The following CCNA1 variants were observed in gnomAD, a reference collection of about 807,000 sequenced individuals.
The protein encoded by CCNA1 is cyclin-A1.
In CCNA1, 23 loss-of-function variants were observed where a neutral mutation model predicts 54.1. The ratio of observed to expected loss-of-function variants is 0.42; its 90% CI spans 0.31 to 0.60. The LOEUF is 0.60. Ranked by LOEUF, CCNA1 falls within the 20% of genes least tolerant of loss-of-function variation. The pLI is 0.14. For missense variants in CCNA1, 450 were observed against 556.7 expected (o/e 0.81, Z 1.93); for synonymous variants, 208 against 213.9 (o/e 0.97, Z 0.24).
Position 36,433,040 on chromosome 13 carries a change from C to T in CCNA1, c.116C>T (p.Pro39Leu). 6.2e-7 allele frequency: 1 copy of T among 1,612,516 alleles called. No homozygotes were observed. The highest frequency in any genetic ancestry group is 8.5e-7 in the Non-Finnish European group (1 of 1,179,254). ...TTTCTCTTTCCCTGGTAGCAGCAGC[C>T]CGTGGAGTCTGAAGCAATGCACTGC... is the stretch of plus-strand genomic sequence containing the variant. The change falls in exon 2 of 9, where the codon CCC becomes CTC. Residue 39 changes from proline (P) to leucine (L), a missense_variant. This residue lies in a region of CCNA1 where 103 missense variants were observed against 100.9 expected (regional missense o/e 1.02). Transcript: ENST00000255465.
chr13:36,433,442 CGTT>C (rs2055757095), intron 2 of CCNA1, among the ~76,000 whole-genome samples: 1 of 73,080 alleles, frequency 1.4e-5, no homozygotes, highest in South Asian at 4.5e-4. Flanking sequence ...TTCTTTCTTT[CGTT>C]CTTTCTTTCT....
intron 7 of CCNA1, among the ~76,000 whole-genome samples, chr13:36,441,792 TTTTC>T (rs1217046946): frequency 6.6e-6 from 1 of 152,184 alleles, no homozygotes; most frequent in Non-Finnish European, 1.5e-5. Context: ...TTTTTAAAAA[TTTTC>T]TTTTACTTTT....
At chr13:36,434,751 A>T (rs2055779242) in intron 2 of CCNA1, among the ~76,000 whole-genome samples, 1 of 150,812 alleles carries the variant, frequency 6.6e-6, no homozygotes, top group African/African-American at 2.4e-5. Context: ...GAATCTCCAC[A>T]TGTCCCTGTG....
rs140874310 is a variant in CCNA1, at chr13:36,436,100, T to C, written c.298-1529T>C. Among the ~76,000 whole-genome samples the C allele has an allele frequency of 2.3e-4, 35 of 152,334 alleles. No individual in the cohort carries two copies. In the East Asian group the frequency reaches 6.2e-3, roughly 27 times the overall value. ...CACTTAGAATTTTCAAGTTTTGTAA[T>C]TGATTGGCTTACTTACTCTCCACCT... On this transcript the variant is annotated intron_variant, in intron 2 of 8. Transcript: ENST00000255465.
At chr13:36,439,927 G>A in intron 5 of CCNA1, 52 bp from the exon 6 acceptor site, 1 of 1,246,658 alleles carries the variant, frequency 8.0e-7, no homozygotes, top group South Asian at 1.2e-5. Context: ...GGTAGCACAG[G>A]AGTAGAGCCA....
intron 4 of CCNA1, 86 bp from the exon 5 acceptor site, chr13:36,438,558 T>A: frequency 1.1e-6 from 1 of 914,572 alleles, no homozygotes; most frequent in Admixed American, 2.2e-5. Context: ...CAACCTTTGC[T>A]TGTGAGATTT....
At chr13:36,432,182 T>G, upstream of CCNA1, 1 of 160,542 alleles carries the variant, frequency 6.2e-6, no homozygotes, top group Non-Finnish European at 1.3e-5. Flanking sequence ...CAGGTCGCCA[T>G]GGCGATGCGG....
At chr13:36,434,847 G>A (rs184443597) in intron 2 of CCNA1, among the ~76,000 whole-genome samples, 30 of 145,780 alleles carry the variant, frequency 2.1e-4, no homozygotes, top group Admixed American at 1.4e-3. Flanking sequence ...CGCGCCATGC[G>A]TACAATATAC....
chr13:36,432,960 G>A (rs955447915), intron 1 of CCNA1, 73 bp from the exon 2 acceptor site: 4 of 1,406,808 alleles, frequency 2.8e-6, no homozygotes, highest in Non-Finnish European at 3.9e-6. Context: ...CCTCCTAGAG[G>A]TTCGCTGTGT....
intron 2 of CCNA1, among the ~76,000 whole-genome samples, chr13:36,435,070 G>A (rs12868587): frequency 0.21 from 32,018 of 152,086 alleles, 3,753 homozygotes; most frequent in Non-Finnish European, 0.26. Context: ...CACCTTGACC[G>A]GTCCCTTTTT....
chr13:36,438,564 G>A, intron 4 of CCNA1, 80 bp from the exon 5 acceptor site: 1 of 988,534 alleles, frequency 1.0e-6, no homozygotes, highest in African/African-American at 1.6e-5. Context: ...TTGCTTGTGA[G>A]ATTTTTAAAT....
intron 2 of CCNA1, among the ~76,000 whole-genome samples, chr13:36,433,830 G>A (rs1156397008): frequency 2.0e-5 from 3 of 152,160 alleles, no homozygotes; most frequent in Non-Finnish European, 4.4e-5. Context: ...CGTCAGCCAC[G>A]GTGGCAGGCC....
At position 36,438,730 on chromosome 13, in the gene CCNA1, G is replaced by A. The variant is rs2055839199; in HGVS notation, c.756G>A (p.Val252=). 6.2e-7 allele frequency: 1 copy of A among 1,614,012 alleles called. No homozygotes were observed. The highest frequency in any genetic ancestry group is 1.7e-5 in the Admixed American group (1 of 59,986). ...GCACGATTCTGGTGGACTGGCTGGT[G>A]GAGGTTGGGGAAGAATATAAACTTC... The change falls in exon 5 of 9, where the codon GTG becomes GTA. Residue 252 remains valine, a synonymous_variant. Transcript: ENST00000255465.
At chr13:36,433,411 T>TTCGTTCGTTCGTTCGTTCGTTCG (rs1566169517) in intron 2 of CCNA1, among the ~76,000 whole-genome samples, 190 bp downstream of exon 2, 1 of 115,984 alleles carries the variant, frequency 8.6e-6, no homozygotes, top group African/African-American at 3.6e-5. Flanking sequence ...TCTTTCTTTC[T>TTCGTTCGTTCGTTCGTTCGTTCG]TTCTTTCTTT....
At chr13:36,438,511 A>G (rs2055835723) in intron 4 of CCNA1, 133 bp from the exon 5 acceptor site, 1 of 692,162 alleles carries the variant, frequency 1.4e-6, no homozygotes, top group East Asian at 2.7e-5. Context: ...CTTCCTTGTT[A>G]TGATAAAGAT....
chr13:36,433,015 T>C lies in CCNA1; in HGVS notation c.109-18T>C. 6.2e-7 allele frequency: 1 copy of C among 1,605,922 alleles called. No individual in the cohort carries two copies. The highest frequency in any genetic ancestry group is 8.5e-7 in the Non-Finnish European group (1 of 1,175,848). ...CGGAATCGACTAAACAGCTTGTCTG[T>C]TTCTCTTTCCCTGGTAGCAGCAGCC... On this transcript the variant is annotated intron_variant, in intron 1 of 8. Coordinates refer to ENST00000255465, the MANE Select transcript of CCNA1 (RefSeq NM_003914.4).
intron 2 of CCNA1, among the ~76,000 whole-genome samples, 184 bp downstream of exon 2, chr13:36,433,405 T>A (rs2055748555): frequency 8.7e-6 from 1 of 115,074 alleles, no homozygotes; most frequent in African/African-American, 3.2e-5. Flanking sequence ...TTTCTTTCTT[T>A]CTTTCTTTCT....
chr13:36,442,820 G>A lies in CCNA1; in HGVS notation c.*155G>A, dbSNP rs2055892044. ...ATTTAGTTTCCCTTAGACTTTAGTA[G>A]TTTGTAATATAGTCCAACATTTTTT... On this transcript the variant is annotated 3_prime_UTR_variant, in exon 9 of 9. Coordinates refer to ENST00000255465, the MANE Select transcript of CCNA1 (RefSeq NM_003914.4). 1 of 650,936 alleles carries A rather than the reference G, an allele frequency of 1.5e-6. No individual in the cohort carries two copies. The allele number at this position is 650,936 out of a possible 1,614,324, so 40.3% of individuals were successfully genotyped here.
intron 2 of CCNA1, among the ~76,000 whole-genome samples, chr13:36,434,830 C>CCCG (rs1481439300): frequency 3.3e-5 from 4 of 119,750 alleles, no homozygotes; most frequent in African/African-American, 1.1e-4. Context: ...AGAGGTGCCC[C>CCCG]CCCCCCCGCG....
Sources: allele counts gnomAD v4.1 joint callset (sites outside exome capture counted in the v4.1 genomes callset), GRCh38; gene constraint gnomAD v4.1.1; regional missense constraint gnomAD v4.1.1; transcripts MANE v1.5; gene names NCBI Gene and HGNC (gene_info 2026-07-23, HGNC 2026-07-21).